LAMA2: variants seen among roughly 807,000 people sequenced by gnomAD.
LAMA2 encodes laminin subunit alpha 2, also known as laminin subunit alpha-2.
Under a neutral mutation model 364.8 loss-of-function variants are expected in LAMA2, and 269 were observed. That is an observed-to-expected ratio of 0.74 (90% confidence interval 0.67 to 0.82). The LOEUF (loss-of-function observed/expected upper bound fraction) is 0.82. Ranked by LOEUF, LAMA2 falls within the 40% of genes least tolerant of loss-of-function variation. LAMA2 has a pLI of 0.00. For missense variants in LAMA2, 3,807 were observed against 3,873.2 expected (o/e 0.98, Z 0.45); for synonymous variants, 1,379 against 1,370.6 (o/e 1.01, Z -0.14).
chr6:129,399,190 AT>A (rs1344645413), intron 37 of LAMA2, among the ~76,000 whole-genome samples: 10 of 152,196 alleles, frequency 6.6e-5, no homozygotes, highest in African/African-American at 2.4e-4. Flanking sequence ...AATATTGTCT[AT>A]GTTTCTACCA....
chr6:129,162,615 C>A (rs1450324021), intron 8 of LAMA2, among the ~76,000 whole-genome samples: 1 of 152,012 alleles, frequency 6.6e-6, no homozygotes, highest in East Asian at 1.9e-4. Flanking sequence ...AAAGATGTGG[C>A]ACCATTATTT....
intron 29 of LAMA2, among the ~76,000 whole-genome samples, chr6:129,331,262 A>G (rs2114540890): frequency 6.6e-6 from 1 of 152,104 alleles, no homozygotes; most frequent in East Asian, 1.9e-4. Context: ...CCTCTCTTCA[A>G]ATGGACCCTT....
intron 45 of LAMA2, among the ~76,000 whole-genome samples, chr6:129,452,104 A>G (rs1431872426): frequency 7.2e-5 from 11 of 152,244 alleles, no homozygotes; most frequent in Non-Finnish European, 1.3e-4. Context: ...GAACAAAGTT[A>G]CAGATTCTCT....
chr6:129,404,234 A>G (rs1242121245), intron 40 of LAMA2, among the ~76,000 whole-genome samples: 1 of 152,192 alleles, frequency 6.6e-6, no homozygotes, highest in African/African-American at 2.4e-5. Flanking sequence ...ACAGGCAAAG[A>G]CAACACTCTG....
At chr6:129,193,303 G>T (rs1022601901) in intron 12 of LAMA2, among the ~76,000 whole-genome samples, 1 of 152,168 alleles carries the variant, frequency 6.6e-6, no homozygotes, top group African/African-American at 2.4e-5. Flanking sequence ...AATGTTAATT[G>T]GAAAAGAAAT....
chr6:128,988,086 G>A (rs183768809), intron 1 of LAMA2, among the ~76,000 whole-genome samples: 68 of 152,206 alleles, frequency 4.5e-4, no homozygotes, highest in African/African-American at 1.5e-3. Flanking sequence ...GGCTGGTCTC[G>A]AACTCCTGAC....
chr6:128,975,573 A>G (rs935487826), intron 1 of LAMA2, among the ~76,000 whole-genome samples: 1 of 152,168 alleles, frequency 6.6e-6, no homozygotes, highest in Non-Finnish European at 1.5e-5. Context: ...TCTCATCTTG[A>G]ATTGCAGTTC....
chr6:129,160,245 T>C (rs1399943056), intron 8 of LAMA2, among the ~76,000 whole-genome samples: 1 of 152,148 alleles, frequency 6.6e-6, no homozygotes, highest in Non-Finnish European at 1.5e-5. Flanking sequence ...TCGTGCATTG[T>C]ATTGGCTATT....
At chr6:129,016,831 T>A (rs1008374893) in intron 1 of LAMA2, among the ~76,000 whole-genome samples, 2 of 151,666 alleles carry the variant, frequency 1.3e-5, no homozygotes, top group Admixed American at 6.6e-5. Context: ...AAGTTGAGAT[T>A]ATTCAAAGGT....
chr6:129,516,243 A>G lies in LAMA2; in HGVS notation c.9265A>G (p.Arg3089Gly). Residue 3089 changes from arginine to glycine, a missense_variant, in exon 65 of 65, where the codon AGA (arginine) becomes GGA (glycine). Coordinates refer to ENST00000421865, the MANE Select transcript of LAMA2 (RefSeq NM_000426.4). The part of the protein sequence containing the change: ...TTSIPFRGCI[R>G]SLKLTKGTGK... ...CAGTATTCCGTTCCGAGGTTGCATC[A>G]GATCCCTGAAGCTCACCAAAGGCAC... is the stretch of plus-strand genomic sequence containing the variant. 1 of 1,614,108 alleles carries G rather than the reference A, an allele frequency of 6.2e-7. No individual in the cohort carries two copies.
chr6:129,291,538 G>A lies in LAMA2; in HGVS notation c.2750-76G>A. ...CTTAGGCGTCCATGTTACCATGTGG[G>A]GTATATTATTATTTAACAAGCCTAT... On this transcript the variant is annotated intron_variant, in intron 19 of 64. Transcript: ENST00000421865. 3.0e-6 allele frequency: 3 copies of A among 984,994 alleles called. No homozygotes were observed. In the South Asian group the frequency reaches 4.0e-5, roughly 13 times the overall value. 61.0% of individuals were successfully genotyped at this position (984,994 alleles called of 1,614,324 possible).
At chr6:129,156,991 C>T (rs1395954323) in intron 8 of LAMA2, among the ~76,000 whole-genome samples, 1 of 152,120 alleles carries the variant, frequency 6.6e-6, no homozygotes, top group Non-Finnish European at 1.5e-5. Flanking sequence ...CGTGCATGTG[C>T]ATGGAGACAC....
At chr6:129,355,795 C>T (rs1041697921) in intron 32 of LAMA2, among the ~76,000 whole-genome samples, 5 of 152,048 alleles carry the variant, frequency 3.3e-5, no homozygotes, top group South Asian at 2.1e-4. Flanking sequence ...TTAGTTACTT[C>T]CCTGGGAAAT....
chr6:129,390,029 G>T (rs1251380090), intron 35 of LAMA2, among the ~76,000 whole-genome samples: 1 of 152,156 alleles, frequency 6.6e-6, no homozygotes, highest in Non-Finnish European at 1.5e-5. Flanking sequence ...TACAGCATTG[G>T]CTATCAGGGT....
At chr6:129,398,412 A>G (rs1211612195) in intron 37 of LAMA2, among the ~76,000 whole-genome samples, 1 of 151,678 alleles carries the variant, frequency 6.6e-6, no homozygotes, top group African/African-American at 2.4e-5. Flanking sequence ...GAATGAGCCA[A>G]GTGTCAGCAG....
chr6:128,960,816 CTTGTT>C (rs1258447809), intron 1 of LAMA2, among the ~76,000 whole-genome samples: 2 of 151,756 alleles, frequency 1.3e-5, no homozygotes, highest in Non-Finnish European at 2.9e-5. Flanking sequence ...TCATCCTGTT[CTTGTT>C]TTGTGCATGC....
rs764169400 is a variant in LAMA2, at chr6:129,190,341, G to A, written c.1604G>A (p.Gly535Asp). 1 of 1,613,146 alleles carries A rather than the reference G, an allele frequency of 6.2e-7. No homozygotes were observed. Among genetic ancestry groups the A allele is most frequent in the Admixed American group, 1.7e-5 (1 of 59,998 alleles). Residue 535 changes from glycine to aspartate, a missense_variant, in exon 11 of 65, where the codon GGC (glycine) becomes GAC (aspartate). By Grantham distance (94) the Gly-to-Asp change is moderately conservative. Coordinates refer to ENST00000421865, the MANE Select transcript of LAMA2 (RefSeq NM_000426.4). ...NRCQSSYWTY[G>D]KIQDMSGWYL... ...TGTCAGAGTTCCTACTGGACCTATGGCAAAGTAAGCAAGCACCATTTGGTT... is the reference window on the plus strand; with the variant it reads ...TGTCAGAGTTCCTACTGGACCTATGACAAAGTAAGCAAGCACCATTTGGTT...
chr6:129,460,059 G>A (rs187646798), intron 48 of LAMA2, 141 bp from the exon 49 acceptor site: 4 of 790,764 alleles, frequency 5.1e-6, no homozygotes, highest in African/African-American at 3.4e-5. Flanking sequence ...ATGATGAAAA[G>A]ATGAATATGT....
chr6:129,424,606 A>G (rs571627313), intron 40 of LAMA2, among the ~76,000 whole-genome samples: 1 of 152,168 alleles, frequency 6.6e-6, no homozygotes, highest in South Asian at 2.1e-4. Flanking sequence ...GAAAATAAGC[A>G]TGTGAAAAGA....
Sources: gnomAD v4.1 joint callset for allele counts (sites outside exome capture counted in the v4.1 genomes callset) on GRCh38, gnomAD v4.1.1 for gene constraint, MANE v1.5 for transcripts, NCBI Gene and HGNC (gene_info 2026-07-23, HGNC 2026-07-21) for gene names.